ENTPD5: variants seen among roughly 807,000 people sequenced by gnomAD.
ENTPD5 encodes the protein nucleoside diphosphate phosphatase ENTPD5.
ENTPD5 carries 49 observed loss-of-function variants against 60.2 expected under a neutral mutation model. The ratio of observed to expected loss-of-function variants is 0.81; its 90% confidence interval spans 0.65 to 1.03. The LOEUF is 1.03. Ranked by LOEUF, ENTPD5 falls within the 50% of genes least tolerant of loss-of-function variation. The pLI is 0.00. For synonymous variants in ENTPD5, 187 were observed against 185.4 expected (o/e 1.01, Z -0.07); for missense variants, 480 against 507.6 (o/e 0.95, Z 0.52).
chr14:73,975,865 T>C, intron 10 of ENTPD5, 71 bp downstream of exon 10: 1 of 1,304,612 alleles, frequency 7.7e-7, no homozygotes, highest in Non-Finnish European at 1.1e-6. Context: ...AATAACAGAT[T>C]TGAGAATGCT....
intron 3 of ENTPD5, among the ~76,000 whole-genome samples, chr14:73,995,083 C>G (rs2058291312): frequency 6.8e-6 from 1 of 147,234 alleles, no homozygotes. Context: ...GAGTCTTGCT[C>G]TATCACCCAG....
intron 1 of ENTPD5, among the ~76,000 whole-genome samples, chr14:74,016,368 G>A (rs763704092): frequency 6.6e-6 from 1 of 152,148 alleles, no homozygotes; most frequent in Admixed American, 6.6e-5. Context: ...CAAGTGTGGC[G>A]ACTCATGCCT....
At chr14:74,014,938 C>T (rs369210925) in intron 2 of ENTPD5, among the ~76,000 whole-genome samples, 49 of 151,888 alleles carry the variant, frequency 3.2e-4, no homozygotes, top group Middle Eastern at 6.8e-3. Context: ...AAAAATTAGC[C>T]GGGCATGGTG....
Position 73,970,050 on chromosome 14 carries a change from A to C in ENTPD5, c.1160T>G (p.Leu387Ter). ...GTCTGCAAAGCCAAAGCCATCCTTTAACAGGGCTGTGATGTAGCTGAGATC... is the reference window on the plus strand; with the variant it reads ...GTCTGCAAAGCCAAAGCCATCCTTTCACAGGGCTGTGATGTAGCTGAGATC... ...CMDLSYITAL[L>*]KDGFGFADST... The change falls in exon 15 of 16, where the codon TTA becomes TGA. Residue 387 changes from leucine to a stop codon, truncating the protein, a stop_gained. Coordinates refer to ENST00000334696, the MANE Select transcript of ENTPD5 (RefSeq NM_001249.5). LOFTEE classifies it high-confidence loss of function. The C allele has an allele frequency of 1.2e-6, 2 of 1,614,006 alleles. No homozygotes were observed. Among genetic ancestry groups the C allele is most frequent in the Non-Finnish European group, 1.7e-6 (2 of 1,179,898 alleles).
intron 1 of ENTPD5, among the ~76,000 whole-genome samples, chr14:74,017,454 C>T (rs2059057493): frequency 6.6e-6 from 1 of 150,990 alleles, no homozygotes; most frequent in Non-Finnish European, 1.5e-5. Context: ...TGGTGTGTGC[C>T]TGTAATCCCA....
chr14:73,963,010 C>T, downstream of ENTPD5: 1 of 1,601,072 alleles, frequency 6.2e-7, no homozygotes, highest in Non-Finnish European at 8.6e-7. Flanking sequence ...GTACTCCTCT[C>T]CTAAAGAAAG....
chr14:73,992,251 A>G (rs1323479988), intron 3 of ENTPD5, among the ~76,000 whole-genome samples: 1 of 152,046 alleles, frequency 6.6e-6, no homozygotes, highest in Non-Finnish European at 1.5e-5. Context: ...TAAAGTTCCC[A>G]TTTCCCAGGC....
At chr14:74,003,928 T>A (rs897667919) in intron 3 of ENTPD5, among the ~76,000 whole-genome samples, 4 of 150,996 alleles carry the variant, frequency 2.6e-5, no homozygotes, top group Non-Finnish European at 5.9e-5. Flanking sequence ...AAAACCCTAT[T>A]AAAAAAAATT....
downstream of ENTPD5, chr14:73,958,958 T>C (rs1388227625): frequency 1.9e-6 from 3 of 1,613,456 alleles, no homozygotes; most frequent in East Asian, 4.5e-5. Flanking sequence ...AGCAGGCTCA[T>C]GTGTCCATGC....
intron 6 of ENTPD5, among the ~76,000 whole-genome samples, chr14:73,979,283 GCTT>G (rs1377178013): frequency 2.0e-5 from 3 of 150,196 alleles, no homozygotes; most frequent in Non-Finnish European, 4.4e-5. Context: ...GCCTTTCCCT[GCTT>G]TTTTTTTTTC....
At chr14:74,014,938 C>G (rs369210925) in intron 2 of ENTPD5, among the ~76,000 whole-genome samples, 1 of 151,770 alleles carries the variant, frequency 6.6e-6, no homozygotes, top group East Asian at 1.9e-4. Flanking sequence ...AAAAATTAGC[C>G]GGGCATGGTG....
chr14:73,957,921 C>T (rs373897774), downstream of ENTPD5: 1 of 505,714 alleles, frequency 2.0e-6, no homozygotes, highest in Admixed American at 3.1e-5. Flanking sequence ...AAGAGTGCCT[C>T]TGACAGAGTT....
chr14:73,970,041 C>A lies in ENTPD5; in HGVS notation c.1169G>T (p.Gly390Val). The change falls in exon 15 of 16, where the codon GGC becomes GTC. Residue 390 changes from glycine (G) to valine (V), a missense_variant. Transcript: ENST00000334696. ...LSYITALLKD[G>V]FGFADSTVLQ... ...GACTGTGCTGTCTGCAAAGCCAAAGCCATCCTTTAACAGGGCTGTGATGTA... is the reference window on the plus strand; with the variant it reads ...GACTGTGCTGTCTGCAAAGCCAAAGACATCCTTTAACAGGGCTGTGATGTA... 6.2e-7 allele frequency: 1 copy of A among 1,613,900 alleles called. No individual in the cohort carries two copies. Among genetic ancestry groups the A allele is most frequent in the East Asian group, 2.2e-5 (1 of 44,882 alleles).
At chr14:73,969,896 C>T (rs978200073) in intron 15 of ENTPD5, 114 bp downstream of exon 15, 4 of 764,966 alleles carry the variant, frequency 5.2e-6, no homozygotes, top group Non-Finnish European at 6.8e-6. Flanking sequence ...ATAGCCCAAA[C>T]AAAAATACCT....
chr14:73,958,896 T>A, downstream of ENTPD5: 1 of 1,588,838 alleles, frequency 6.3e-7, no homozygotes. Context: ...GAGGAAACTT[T>A]AGGGAGCAGA....
intron 2 of ENTPD5, among the ~76,000 whole-genome samples, chr14:74,015,287 T>C (rs918703166): frequency 2.6e-5 from 4 of 151,624 alleles, no homozygotes; most frequent in Admixed American, 6.6e-5. Flanking sequence ...AATAAAGTTA[T>C]AGATGAATTT....
chr14:73,973,810 T>C, intron 12 of ENTPD5, 67 bp downstream of exon 12: 8 of 1,407,668 alleles, frequency 5.7e-6, no homozygotes, highest in Non-Finnish European at 8.0e-6. Context: ...GGAAAAAGTT[T>C]CCCATGGGAC....
Position 73,976,380 on chromosome 14 carries a change from CCA to C in ENTPD5, c.584_585del (p.Val195GlyfsTer19), listed in dbSNP as rs781654549. 2 of 1,614,172 alleles carry C rather than the reference CCA, an allele frequency of 1.2e-6. No homozygotes were observed. The highest frequency in any genetic ancestry group is 1.1e-5 in the South Asian group (1 of 91,080). ...GAGGCTCCCCCTAGGTCCAAGGTCC[CCA>C]CAGTCTCCTGTCTGTGGCCATGCAG... ...GQLHGHRQET[V>X]GTLDLGGAST... On this transcript the variant is annotated frameshift_variant, in exon 9 of 16. Transcript: ENST00000334696. LOFTEE classifies it high-confidence loss of function.
At chr14:73,989,832 CAAAAAA>C (rs57558687) in intron 3 of ENTPD5, among the ~76,000 whole-genome samples, 1 of 52,360 alleles carries the variant, frequency 1.9e-5, no homozygotes, top group African/African-American at 8.5e-5. Flanking sequence ...GACTCAGTCT[CAAAAAA>C]AAAAAAAAAA....
Sources: allele counts gnomAD v4.1 joint callset (sites outside exome capture counted in the v4.1 genomes callset), GRCh38; gene constraint gnomAD v4.1.1; transcripts MANE v1.5; gene names NCBI Gene and HGNC (gene_info 2026-07-23, HGNC 2026-07-21).